PRDM16: variants seen among roughly 807,000 people sequenced by gnomAD.
PRDM16 encodes PR/SET domain 16.
Under a neutral mutation model 110.6 loss-of-function variants are expected in PRDM16, and 23 were observed. That is an observed-to-expected ratio of 0.21 (90% CI 0.15 to 0.29). PRDM16 has a LOEUF of 0.29. Among genes scored for constraint, PRDM16 ranks in the 10% least tolerant of loss-of-function variants. The pLI is 1.00. For synonymous variants in PRDM16, 799 were observed against 781.8 expected (o/e 1.02, Z -0.37); for missense variants, 1,615 against 1,794.3 (o/e 0.90, Z 1.81).
chr1:3,336,669 TTCAC>T (rs1223540601), intron 3 of PRDM16, among the ~76,000 whole-genome samples: 1 of 127,258 alleles, frequency 7.9e-6, no homozygotes, highest in East Asian at 3.1e-4. Flanking sequence ...TGTGTGCACA[TTCAC>T]ACACATATGT....
chr1:3,186,179 G>T lies in PRDM16; in HGVS notation c.92G>T (p.Ser31Ile). The T allele has an allele frequency of 6.2e-7, 1 of 1,612,896 alleles. No individual in the cohort carries two copies. The highest frequency in any genetic ancestry group is 8.5e-7 in the Non-Finnish European group (1 of 1,179,976). Residue 31 changes from serine (S) to isoleucine (I), a missense_variant, in exon 2 of 17, where the codon AGC becomes ATC. Coordinates refer to ENST00000270722, the MANE Select transcript of PRDM16 (RefSeq NM_022114.4). ...MYEPNRDLLASHSAEDEAEDS... is the reference protein window; with the variant it reads ...MYEPNRDLLAIHSAEDEAEDS... ...GAGCCCAACCGGGACCTGCTGGCCAGCCACAGCGCGGAGGACGAGGCCGAG... is the reference window on the plus strand; with the variant it reads ...GAGCCCAACCGGGACCTGCTGGCCATCCACAGCGCGGAGGACGAGGCCGAG...
rs1643113843 is a variant in PRDM16, at chr1:3,382,217, T to A, written c.439-2935T>A. On this transcript the variant is annotated intron_variant, in intron 3 of 16. Transcript: ENST00000270722. This position sits in a 1 kb window ranked among gnomAD's most constrained non-coding sequence, Gnocchi z 6.6. ...CTAGAGGATGGGAAGCCTGCCTCCCTAGTGACAACCAGCCGCTTGTGGCCT... is the reference window on the plus strand; with the variant it reads ...CTAGAGGATGGGAAGCCTGCCTCCCAAGTGACAACCAGCCGCTTGTGGCCT... 6.6e-6 allele frequency among the ~76,000 whole-genome samples: 1 copy of A among 152,174 alleles called. No homozygotes were observed.
At chr1:3,369,609 T>C (rs1195147393) in intron 3 of PRDM16, among the ~76,000 whole-genome samples, 1 of 152,232 alleles carries the variant, frequency 6.6e-6, no homozygotes, top group Non-Finnish European at 1.5e-5. Flanking sequence ...GGACTGTGGC[T>C]GAGCTCCAGG....
intron 5 of PRDM16, among the ~76,000 whole-genome samples, chr1:3,397,637 C>T (rs549605287): frequency 6.6e-6 from 1 of 152,380 alleles, no homozygotes; most frequent in South Asian, 2.1e-4. Flanking sequence ...CAAGCTCCCT[C>T]CTGGCCGTTT....
intron 1 of PRDM16, among the ~76,000 whole-genome samples, chr1:3,126,899 C>G (rs1288192694): frequency 6.6e-6 from 1 of 152,196 alleles, no homozygotes; most frequent in Non-Finnish European, 1.5e-5. Flanking sequence ...GCTGTCTGTT[C>G]CGGCAAACTT....
rs985421954 is a variant in PRDM16 at position 3,096,683 on chromosome 1, C to A, written c.37+27387C>A. Among the ~76,000 whole-genome samples the A allele has an allele frequency of 1.3e-5, 2 of 152,174 alleles. 1 individual carries two copies. On this transcript the variant is annotated intron_variant, in intron 1 of 16. Coordinates refer to ENST00000270722, the MANE Select transcript of PRDM16 (RefSeq NM_022114.4). ...CCTGGACCAGCGAGGAAGACGGCCC[C>A]GTCCCAGGGCTGCTGAGCCCTCCAA...
intron 3 of PRDM16, among the ~76,000 whole-genome samples, chr1:3,330,334 G>C (rs539794297): frequency 2.2e-4 from 33 of 152,358 alleles, no homozygotes; most frequent in Non-Finnish European, 4.4e-4. Context: ...GATGCTTTTT[G>C]TGTCTAAGTC....
intron 3 of PRDM16, among the ~76,000 whole-genome samples, chr1:3,364,884 T>G (rs1486362009): frequency 4.6e-5 from 7 of 152,298 alleles, no homozygotes. Context: ...GTGCTGCTGT[T>G]CCCACCTGGC....
intron 1 of PRDM16, among the ~76,000 whole-genome samples, chr1:3,076,621 C>T (rs1007280358): frequency 6.6e-6 from 1 of 152,144 alleles, no homozygotes; most frequent in Non-Finnish European, 1.5e-5. Flanking sequence ...ACAGGTAGTG[C>T]CAGGGGGCAT....
intron 2 of PRDM16, among the ~76,000 whole-genome samples, chr1:3,229,190 C>T (rs1639354668): frequency 6.6e-6 from 1 of 152,204 alleles, no homozygotes; most frequent in African/African-American, 2.4e-5. Flanking sequence ...GAGGAAGGCG[C>T]CTCTTCCGCT....
intron 1 of PRDM16, among the ~76,000 whole-genome samples, chr1:3,070,975 C>T (rs937513301): frequency 3.3e-5 from 5 of 152,254 alleles, no homozygotes; most frequent in Non-Finnish European, 5.9e-5. Flanking sequence ...TCGCCGCCGA[C>T]GCGAAGGGGC....
intron 3 of PRDM16, among the ~76,000 whole-genome samples, chr1:3,366,720 G>T (rs1642822788): frequency 6.6e-6 from 1 of 152,194 alleles, no homozygotes; most frequent in Non-Finnish European, 1.5e-5. Context: ...GCAGAAAAAT[G>T]ATTAGGGCGT....
At chr1:3,082,017 G>A (rs1195504325) in intron 1 of PRDM16, among the ~76,000 whole-genome samples, 1 of 152,234 alleles carries the variant, frequency 6.6e-6, no homozygotes, top group Non-Finnish European at 1.5e-5. Context: ...GGAGGCTTCT[G>A]AAATTCCCTT....
intron 3 of PRDM16, among the ~76,000 whole-genome samples, chr1:3,349,592 C>G (rs1370669031): frequency 1.3e-5 from 2 of 152,210 alleles, no homozygotes; most frequent in Non-Finnish European, 2.9e-5. Context: ...TTCCCACTGG[C>G]TGGTGTGCTG....
chr1:3,322,276 G>C (rs1370542086), intron 3 of PRDM16, among the ~76,000 whole-genome samples: 1 of 152,156 alleles, frequency 6.6e-6, no homozygotes, highest in East Asian at 1.9e-4. Flanking sequence ...GTGTATAGCA[G>C]TGGCCTGGGA....
intron 3 of PRDM16, among the ~76,000 whole-genome samples, chr1:3,357,670 C>T (rs1360928416): frequency 2.0e-5 from 3 of 152,364 alleles, no homozygotes; most frequent in African/African-American, 4.8e-5. Context: ...CAGTCGTCTA[C>T]GCCCATGGCC....
At chr1:3,356,661 C>G (rs1642609376) in intron 3 of PRDM16, among the ~76,000 whole-genome samples, 2 of 152,206 alleles carry the variant, frequency 1.3e-5, no homozygotes, top group Non-Finnish European at 2.9e-5. Flanking sequence ...CCCAGAGCGG[C>G]CCCAGGAGGA....
At chr1:3,170,280 A>G (rs1644010980) in intron 1 of PRDM16, among the ~76,000 whole-genome samples, 1 of 152,134 alleles carries the variant, frequency 6.6e-6, no homozygotes, top group South Asian at 2.1e-4. Context: ...GGGGGTGCAG[A>G]GATCCCCCGC....
At chr1:3,106,461 G>A (rs1023475090) in intron 1 of PRDM16, among the ~76,000 whole-genome samples, 1 of 152,204 alleles carries the variant, frequency 6.6e-6, no homozygotes, top group Non-Finnish European at 1.5e-5. Context: ...GGGCTGGTGC[G>A]AGATGGATAG....
Sources: allele counts gnomAD v4.1 joint callset (sites outside exome capture counted in the v4.1 genomes callset), GRCh38; gene constraint gnomAD v4.1.1; non-coding constraint Gnocchi (gnomAD v3.1); transcripts MANE v1.5; gene names NCBI Gene and HGNC (gene_info 2026-07-23, HGNC 2026-07-21).